RSRC1: variants seen among roughly 807,000 people sequenced by gnomAD.
RSRC1 encodes serine/Arginine-related protein 53.
RSRC1 carries 39 observed loss-of-function variants against 49.1 expected under a neutral mutation model. The ratio of observed to expected loss-of-function variants is 0.79; its 90% CI spans 0.61 to 1.04. The LOEUF is 1.04. Among genes scored for constraint, RSRC1 ranks in the 50% least tolerant of loss-of-function variants. The pLI is 0.00. For missense variants in RSRC1, 388 were observed against 402.4 expected (o/e 0.96, Z 0.31); for synonymous variants, 143 against 130.8 (o/e 1.09, Z -0.63).
At chr3:158,175,546 C>T (rs1356243931) in intron 3 of RSRC1, among the ~76,000 whole-genome samples, 4 of 151,634 alleles carry the variant, frequency 2.6e-5, no homozygotes, top group African/African-American at 9.7e-5. Flanking sequence ...TCCTTTTTTT[C>T]ACTGTTCTCT....
intron 5 of RSRC1, among the ~76,000 whole-genome samples, chr3:158,319,328 T>A (rs1008022077): frequency 2.6e-5 from 4 of 152,206 alleles, no homozygotes; most frequent in Non-Finnish European, 5.9e-5. Context: ...ACGTAAGATG[T>A]GCCTTGCTTT....
chr3:158,497,916 G>A (rs192897379), intron 7 of RSRC1, among the ~76,000 whole-genome samples: 9 of 151,912 alleles, frequency 5.9e-5, no homozygotes, highest in Non-Finnish European at 1.0e-4. Flanking sequence ...GTATTCCATC[G>A]TGTGTGTATA....
chr3:158,300,221 A>G (rs1727462995), intron 5 of RSRC1, among the ~76,000 whole-genome samples: 1 of 152,206 alleles, frequency 6.6e-6, no homozygotes, highest in African/African-American at 2.4e-5. Context: ...GGACTAGCAT[A>G]CAGTTAGGTA....
At chr3:158,516,306 C>G (rs1332878311) in intron 7 of RSRC1, among the ~76,000 whole-genome samples, 3 of 151,848 alleles carry the variant, frequency 2.0e-5, no homozygotes, top group Non-Finnish European at 4.4e-5. Context: ...TGTTAGTTTT[C>G]CTTCTAACAG....
At chr3:158,397,784 C>T (rs568908229) in intron 6 of RSRC1, among the ~76,000 whole-genome samples, 5 of 152,206 alleles carry the variant, frequency 3.3e-5, no homozygotes, top group Admixed American at 3.3e-4. Context: ...CCCTATCATA[C>T]CCCTCTCTCT....
At chr3:158,379,846 C>T (rs1345056728) in intron 6 of RSRC1, among the ~76,000 whole-genome samples, 5 of 108,306 alleles carry the variant, frequency 4.6e-5, no homozygotes, top group Admixed American at 9.3e-5. Flanking sequence ...ACCCTCCCTC[C>T]CTCTTGTCCC....
At chr3:158,439,876 C>G (rs765144236) in intron 6 of RSRC1, among the ~76,000 whole-genome samples, 1 of 151,820 alleles carries the variant, frequency 6.6e-6, no homozygotes, top group Non-Finnish European at 1.5e-5. Context: ...AGTGCATGTA[C>G]GACAAGAGCA....
intron 4 of RSRC1, among the ~76,000 whole-genome samples, chr3:158,207,175 TTAA>T (rs1298784985): frequency 6.6e-6 from 1 of 152,166 alleles, no homozygotes; most frequent in African/African-American, 2.4e-5. Context: ...TCCATAATTA[TTAA>T]TGATGAACAA....
At chr3:158,284,668 G>T (rs12495881) in intron 4 of RSRC1, among the ~76,000 whole-genome samples, 102,814 of 149,204 alleles carry the variant, frequency 0.69, 35,880 homozygotes, top group East Asian at 0.84. Flanking sequence ...TTTTCATGTG[G>T]TTTTTGGCTG....
chr3:158,241,301 A>G (rs1415246769), intron 4 of RSRC1, among the ~76,000 whole-genome samples: 2 of 151,658 alleles, frequency 1.3e-5, no homozygotes, highest in African/African-American at 4.8e-5. Context: ...TACAAAAAAA[A>G]AGCTGGACAT....
At chr3:158,410,002 A>G (rs924749102) in intron 6 of RSRC1, among the ~76,000 whole-genome samples, 1 of 152,142 alleles carries the variant, frequency 6.6e-6, no homozygotes, top group Non-Finnish European at 1.5e-5. Flanking sequence ...ACACAATTCT[A>G]GGAAACATTT....
At chr3:158,241,973 A>G (rs1158373631) in intron 4 of RSRC1, among the ~76,000 whole-genome samples, 1 of 146,276 alleles carries the variant, frequency 6.8e-6, no homozygotes, top group Non-Finnish European at 1.5e-5. Context: ...CCATCACATG[A>G]TATGAATGTT....
chr3:158,229,404 A>G (rs1722816697), intron 4 of RSRC1, among the ~76,000 whole-genome samples: 1 of 148,054 alleles, frequency 6.8e-6, no homozygotes, highest in African/African-American at 2.5e-5. Context: ...ATACACATAC[A>G]CACGTATATG....
At chr3:158,335,816 C>G (rs1729851070) in intron 5 of RSRC1, among the ~76,000 whole-genome samples, 1 of 151,344 alleles carries the variant, frequency 6.6e-6, no homozygotes, top group Admixed American at 6.6e-5. Flanking sequence ...TGTTTTTTTT[C>G]CAAAGTAATT....
chr3:158,132,104 C>T (rs1716071227), intron 3 of RSRC1: 1 of 442,714 alleles, frequency 2.3e-6, no homozygotes, highest in African/African-American at 2.0e-5. Flanking sequence ...CTACCTCAAC[C>T]TCCTGGGTAG....
chr3:158,301,991 G>GTTTTT (rs35843326), intron 5 of RSRC1, among the ~76,000 whole-genome samples: 1 of 142,788 alleles, frequency 7.0e-6, no homozygotes, highest in Non-Finnish European at 1.5e-5. Flanking sequence ...GGGTTTTTTT[G>GTTTTT]TTTTTTTTTT....
chr3:158,471,622 G>C (rs895940593), intron 7 of RSRC1, among the ~76,000 whole-genome samples: 1 of 152,110 alleles, frequency 6.6e-6, no homozygotes, highest in African/African-American at 2.4e-5. Context: ...ATAATTTTAA[G>C]TAACATACAA....
chr3:158,248,315 T>C (rs1455286643), intron 4 of RSRC1, among the ~76,000 whole-genome samples: 1 of 152,302 alleles, frequency 6.6e-6, no homozygotes, highest in Middle Eastern at 3.4e-3. Flanking sequence ...GTGTCTAGCT[T>C]TTTTCATTCA....
intron 5 of RSRC1, among the ~76,000 whole-genome samples, chr3:158,301,810 T>G (rs1369013936): frequency 6.6e-6 from 1 of 152,120 alleles, no homozygotes; most frequent in African/African-American, 2.4e-5. Flanking sequence ...TTAATTATCT[T>G]TGGACATGTA....
Sources: allele counts gnomAD v4.1 joint callset (sites outside exome capture counted in the v4.1 genomes callset), GRCh38; gene constraint gnomAD v4.1.1; transcripts MANE v1.5; gene names NCBI Gene and HGNC (gene_info 2026-07-23, HGNC 2026-07-21).